RUNX1T1: variants seen among roughly 807,000 people sequenced by gnomAD.
The protein encoded by RUNX1T1 is protein CBFA2T1.
In RUNX1T1, 4 loss-of-function variants were observed where a neutral mutation model predicts 62.8. The ratio of observed to expected loss-of-function variants is 0.06; its 90% confidence interval spans 0.03 to 0.15. The LOEUF (loss-of-function observed/expected upper bound fraction) is 0.15, where lower values mean the gene tolerates loss of function less well. Among genes scored for constraint, RUNX1T1 ranks in the 10% least tolerant of loss-of-function variants. The pLI is 1.00. For synonymous variants in RUNX1T1, 291 were observed against 286.0 expected, an observed-to-expected ratio of 1.02 and a Z score of -0.18; for missense variants, 508 against 754.3, an observed-to-expected ratio of 0.67 and a Z score of 3.82.
At chr8:92,066,324 T>A (rs1273165090), upstream of RUNX1T1, among the ~76,000 whole-genome samples, 1 of 152,204 alleles carries the variant, frequency 6.6e-6, no homozygotes, top group African/African-American at 2.4e-5. Flanking sequence ...TGTCCCACTT[T>A]CAATTTCAGA....
intron 1 of RUNX1T1, among the ~76,000 whole-genome samples, chr8:92,093,979 A>G (rs1362593968): frequency 6.6e-6 from 1 of 152,226 alleles, no homozygotes; most frequent in African/African-American, 2.4e-5. Context: ...CCTTTCTGAA[A>G]GATTCCAGGC....
intron 1 of RUNX1T1, among the ~76,000 whole-genome samples, chr8:92,042,104 T>C (rs66579130): frequency 0.23 from 35,212 of 151,976 alleles, 4,300 homozygotes; most frequent in African/African-American, 0.3. Flanking sequence ...ATTACAGGTG[T>C]GATCTGTGCC....
chr8:92,094,914 T>C (rs575444251), intron 1 of RUNX1T1: 3 of 743,772 alleles, frequency 4.0e-6, no homozygotes, highest in African/African-American at 3.5e-5. Context: ...ATCTAAAGGC[T>C]TCAGCGTCCA....
At chr8:91,986,085 AAT>A (rs1283919685) in intron 8 of RUNX1T1, 37 bp downstream of exon 9, 2 of 1,322,900 alleles carry the variant, frequency 1.5e-6, no homozygotes, top group South Asian at 1.2e-5. Flanking sequence ...CAGCATAAGA[AAT>A]ATGTGTTTTC....
intron 1 of RUNX1T1, among the ~76,000 whole-genome samples, chr8:92,045,067 CAA>C (rs1367759745): frequency 8.0e-5 from 5 of 62,652 alleles, no homozygotes; most frequent in Non-Finnish European, 1.3e-4. Context: ...ACTGGCTCTA[CAA>C]AAAAAAAAAA....
intron 8 of RUNX1T1, among the ~76,000 whole-genome samples, chr8:91,978,109 A>G (rs1017804081): frequency 6.6e-6 from 1 of 152,126 alleles, no homozygotes; most frequent in Non-Finnish European, 1.5e-5. Context: ...TAAATAGTCA[A>G]TCATTATGAT....
At chr8:91,995,215 A>G (rs1022294446) in intron 5 of RUNX1T1, among the ~76,000 whole-genome samples, 3 of 152,220 alleles carry the variant, frequency 2.0e-5, no homozygotes, top group Admixed American at 6.5e-5. Context: ...AGTAATTTTA[A>G]TAATTCTTAA....
chr8:92,068,697 C>A (rs11784233), intron 2 of RUNX1T1, among the ~76,000 whole-genome samples: 23,789 of 152,054 alleles, frequency 0.16, 2,214 homozygotes, highest in Non-Finnish European at 0.21. Context: ...CTGTGAGAGA[C>A]TGCAGGAGAA....
At chr8:92,085,023 G>C (rs916053096) in intron 1 of RUNX1T1, among the ~76,000 whole-genome samples, 2 of 152,158 alleles carry the variant, frequency 1.3e-5, no homozygotes, top group Admixed American at 6.5e-5. Context: ...TTTACTGAAG[G>C]TTGTGCTTCA....
rs571467147 is a variant in RUNX1T1 at position 91,996,046 on chromosome 8, G to GT, written c.660-4158dup. 1.8e-4 allele frequency among the ~76,000 whole-genome samples: 28 copies of GT among 152,216 alleles called. No individual in the cohort carries two copies. In the East Asian group the frequency reaches 5.4e-3, roughly 29 times the overall value. On this transcript the variant is annotated intron_variant, in intron 5 of 10. Transcript: ENST00000396218. ...TGCATTCTTCATTGCCCTTTTCAGT[G>GT]TATCAGGCAAAATTAGCGAAGACTT...
At chr8:91,991,480 T>G (rs1416053102) in intron 6 of RUNX1T1, among the ~76,000 whole-genome samples, 159 bp downstream of exon 7, 1 of 152,192 alleles carries the variant, frequency 6.6e-6, no homozygotes, top group Non-Finnish European at 1.5e-5. Context: ...AGTCTATTAA[T>G]ACCAATCAAG....
chr8:92,093,859 A>C (rs980387692), intron 1 of RUNX1T1, among the ~76,000 whole-genome samples: 1 of 152,224 alleles, frequency 6.6e-6, no homozygotes, highest in Non-Finnish European at 1.5e-5. Flanking sequence ...CATGCTTTTC[A>C]TATTTTTAAA....
At chr8:91,996,874 C>T (rs572941536) in intron 5 of RUNX1T1, among the ~76,000 whole-genome samples, 330 of 151,696 alleles carry the variant, frequency 2.2e-3, no homozygotes, top group African/African-American at 7.6e-3. Context: ...GTAATCTCAG[C>T]ACTTTGGGAG....
At chr8:91,969,578 C>A (rs1337287646) in intron 10 of RUNX1T1, among the ~76,000 whole-genome samples, 2 of 152,152 alleles carry the variant, frequency 1.3e-5, no homozygotes, top group African/African-American at 4.8e-5. Context: ...GAAAAGTCAG[C>A]AGTTAAAGGG....
intron 1 of RUNX1T1, among the ~76,000 whole-genome samples, chr8:92,038,340 A>C (rs1827807536): frequency 6.6e-6 from 1 of 152,198 alleles, no homozygotes; most frequent in Non-Finnish European, 1.5e-5. Flanking sequence ...AAAGCATAAA[A>C]AATCCTGAAG....
chr8:92,097,825 T>G (rs960949504), intron 1 of RUNX1T1, among the ~76,000 whole-genome samples: 1 of 152,176 alleles, frequency 6.6e-6, no homozygotes, highest in African/African-American at 2.4e-5. Context: ...CAACCAATTC[T>G]CAAATGGGAA....
intron 3 of RUNX1T1, 82 bp downstream of exon 4, chr8:92,014,497 G>A (rs1822613016): frequency 5.6e-6 from 7 of 1,251,134 alleles, no homozygotes; most frequent in East Asian, 4.8e-5. Context: ...AAATACTTGC[G>A]AGAACGGTGT....
At chr8:92,026,306 C>A (rs1006964701) in intron 1 of RUNX1T1, among the ~76,000 whole-genome samples, 63 of 152,170 alleles carry the variant, frequency 4.1e-4, no homozygotes, top group African/African-American at 1.5e-3. Flanking sequence ...TCACTTTAAA[C>A]CTCTCTATGA....
At chr8:92,036,414 C>T (rs1386679950) in intron 1 of RUNX1T1, among the ~76,000 whole-genome samples, 1 of 152,156 alleles carries the variant, frequency 6.6e-6, no homozygotes, top group South Asian at 2.1e-4. Context: ...CAAAACCATT[C>T]CTATGATAAT....
Sources: allele counts gnomAD v4.1 joint callset (sites outside exome capture counted in the v4.1 genomes callset), GRCh38; gene constraint gnomAD v4.1.1; transcripts MANE v1.5; gene names NCBI Gene and HGNC (gene_info 2026-07-23, HGNC 2026-07-21).